The following DNHD1 variants were observed in gnomAD, a reference collection of about 807,000 sequenced individuals.
DNHD1 encodes dynein heavy chain domain-containing protein 1.
In DNHD1, 383 loss-of-function variants were observed where a neutral mutation model predicts 458.1. That is an observed-to-expected ratio of 0.84 (90% confidence interval 0.77 to 0.91). The LOEUF is 0.91. Among genes scored for constraint, DNHD1 ranks in the 40% least tolerant of loss-of-function variants. DNHD1 has a pLI of 0.00. For synonymous variants in DNHD1, 2,203 were observed against 2,376.9 expected (o/e 0.93, Z 2.13); for missense variants, 5,336 against 5,866.1 (o/e 0.91, Z 2.95).
At chr11:6,553,080 T>C (rs1304857417) in intron 24 of DNHD1, among the ~76,000 whole-genome samples, 1 of 152,186 alleles carries the variant, frequency 6.6e-6, no homozygotes, top group East Asian at 1.9e-4. Context: ...CTGTTATCTT[T>C]CATAAACCTA....
chr11:6,503,134 A>G, intron 4 of DNHD1: 2 of 532,664 alleles, frequency 3.8e-6, no homozygotes, highest in Non-Finnish European at 6.5e-6. Context: ...CCTGTTGCTT[A>G]CACAGCCTTT....
Position 6,528,719 on chromosome 11 carries a change from C to G in DNHD1, c.2035C>G (p.Leu679Val), listed in dbSNP as rs1325305250. The change falls in exon 11 of 43, where the codon CTG (leucine) becomes GTG (valine). Residue 679 changes from leucine (L) to valine (V), a missense_variant. Physicochemically the swap from Leu to Val is conservative, Grantham distance 32. Coordinates refer to ENST00000254579, the MANE Select transcript of DNHD1 (RefSeq NM_144666.3). ...ATACTTCCCCCACAATTATAAGCAG[C>G]TGGAGGAAGACCTGGACAACAACCC... ...GQYFPHNYKQLEEDLDNNPKI... is the reference protein window; with the variant it reads ...GQYFPHNYKQVEEDLDNNPKI... The G allele has an allele frequency of 2.6e-6, 4 of 1,551,768 alleles. No individual in the cohort carries two copies. The highest frequency in any genetic ancestry group is 3.5e-6 in the Non-Finnish European group (4 of 1,147,010).
chr11:6,563,913 C>T lies in DNHD1; in HGVS notation c.10073C>T (p.Thr3358Ile), dbSNP rs149275845. The T allele has an allele frequency of 6.4e-7, 1 of 1,551,598 alleles. No homozygotes were observed. Residue 3358 changes from threonine to isoleucine, a missense_variant, in exon 31 of 43, where the codon ACT becomes ATT. Thr to Ile is a moderately conservative substitution (Grantham distance 89, BLOSUM62 -1). This residue lies in a region of DNHD1 where 3,932 missense variants were observed against 4,365.6 expected (regional missense o/e 0.90). Coordinates refer to ENST00000254579, the MANE Select transcript of DNHD1 (RefSeq NM_144666.3). ...LLLQQVEATL[T>I]REQARLGYYQ... The stretch of plus-strand genomic sequence containing the variant: ...CTGCAGCAAGTGGAGGCAACACTCA[C>T]TCGGGAGCAGGCCCGCCTGGGCTAC...
Position 6,571,162 on chromosome 11 carries a change from C to G in DNHD1, c.13650C>G (p.His4550Gln). 2.5e-6 allele frequency: 4 copies of G among 1,603,622 alleles called. No individual in the cohort carries two copies. The highest frequency in any genetic ancestry group is 3.4e-6 in the Non-Finnish European group (4 of 1,175,606). ...CGGCCGGTCCGCAGCCGCCCTGGCA[C>G]TGGCTGCGACAGTTGTCGCGCCGTG... ...HAPAGPQPPW[H>Q]WLRQLSRRGQ... The change falls in exon 42 of 43, where the codon CAC (histidine) becomes CAG (glutamine). Residue 4550 changes from histidine (H) to glutamine (Q), a missense_variant. His to Gln is a conservative substitution (Grantham distance 24, BLOSUM62 0). Around this residue, in one of 4 missense-constraint regions of DNHD1, gnomAD observed 698 missense variants for 664.9 expected, o/e 1.05. Coordinates refer to ENST00000254579, the MANE Select transcript of DNHD1 (RefSeq NM_144666.3). This position sits in a 1 kb window ranked among gnomAD's most constrained non-coding sequence, Gnocchi z 5.0.
chr11:6,549,125 C>T (rs1028114752), intron 24 of DNHD1, 192 bp downstream of exon 24: 1 of 650,528 alleles, frequency 1.5e-6, no homozygotes, highest in African/African-American at 1.8e-5. Flanking sequence ...CTCTGCTTTG[C>T]TAAATCTCTG....
At chr11:6,544,268 G>T (rs778777036) in intron 19 of DNHD1, 22 bp downstream of exon 19, 1 of 1,551,368 alleles carries the variant, frequency 6.4e-7, no homozygotes, top group East Asian at 2.4e-5. Context: ...CCTCTAGCCA[G>T]GCTGATGGGT....
rs148680834 is a variant in DNHD1, at chr11:6,545,196, G to A, written c.4257G>A (p.Val1419=). 53 of 1,551,990 alleles carry A rather than the reference G, an allele frequency of 3.4e-5. No individual in the cohort carries two copies. The Middle Eastern group carries it at 1.0e-3, about 29-fold the overall frequency. Residue 1419 remains valine (V), a synonymous_variant, in exon 21 of 43, where the codon GTG becomes GTA. Coordinates refer to ENST00000254579, the MANE Select transcript of DNHD1 (RefSeq NM_144666.3). This position sits in a 1 kb window ranked among gnomAD's most constrained non-coding sequence, Gnocchi z 4.9. The part of the protein sequence containing the change: ...WESSPNTQTQ[V]EALAVLGAGG... ...CAAGCCCAAACACACAGACTCAGGTGGAGGCACTTGCAGTGCTAGGGGCAG... is the reference window on the plus strand; with the variant it reads ...CAAGCCCAAACACACAGACTCAGGTAGAGGCACTTGCAGTGCTAGGGGCAG...
In DNHD1 at chr11:6,557,470, T is replaced by A; in HGVS notation, c.8175T>A (p.Ser2725Arg). ...AQWEDFSNSN[S>R]ETEEEEEPYG... ...GGGAGGACTTCAGCAACAGCAATAG[T>A]GAAACAGAGGAGGAAGAGGAACCTT... Residue 2725 changes from serine (S) to arginine (R), a missense_variant, in exon 25 of 43, where the codon AGT becomes AGA. Ser to Arg is a moderately radical substitution (Grantham distance 110). Coordinates refer to ENST00000254579, the MANE Select transcript of DNHD1 (RefSeq NM_144666.3). 1 of 1,551,416 alleles carries A rather than the reference T, an allele frequency of 6.4e-7. No individual in the cohort carries two copies. Among genetic ancestry groups the A allele is most frequent in the African/African-American group, 1.4e-5 (1 of 72,986 alleles).
In DNHD1 at chr11:6,567,575, A is replaced by G. The variant is rs747822482; in HGVS notation, c.12066A>G (p.Thr4022=). Residue 4022 remains threonine (T), a synonymous_variant, in exon 36 of 43, where the codon ACA becomes ACG. Coordinates refer to ENST00000254579, the MANE Select transcript of DNHD1 (RefSeq NM_144666.3). ...AGGCTTACCTGTCACTGTCATCCAC[A>G]GTGCTGGGTCCTGCACCTGGGCCAG... The part of the protein sequence containing the change: ...AWQAYLSLSS[T]VLGPAPGPGP... 1.2e-6 allele frequency: 2 copies of G among 1,613,148 alleles called. No homozygotes were observed. Among genetic ancestry groups the G allele is most frequent in the South Asian group, 2.2e-5 (2 of 90,918 alleles).
At position 6,557,633 on chromosome 11, in the gene DNHD1, A is replaced by AG; in HGVS notation, c.8340dup (p.Leu2781AlafsTer50). The AG allele has an allele frequency of 6.4e-7, 1 of 1,551,780 alleles. No individual in the cohort carries two copies. The highest frequency in any genetic ancestry group is 8.7e-7 in the Non-Finnish European group (1 of 1,146,996). On this transcript the variant is annotated frameshift_variant, in exon 25 of 43. Coordinates refer to ENST00000254579, the MANE Select transcript of DNHD1 (RefSeq NM_144666.3). LOFTEE classifies it high-confidence loss of function. ...GAAAGGCACAAGGGCATCCAACTAT[A>AG]GGCTCCAGGTAAGGAGATCATTCAA...
intron 7 of DNHD1, among the ~76,000 whole-genome samples, chr11:6,517,875 A>C (rs1339573764): frequency 2.6e-5 from 4 of 151,906 alleles, no homozygotes; most frequent in African/African-American, 7.2e-5. Flanking sequence ...TTGCCCATCA[A>C]ATCTTTTGTA....
intron 24 of DNHD1, among the ~76,000 whole-genome samples, chr11:6,555,676 A>T (rs1306136718): frequency 1.5e-4 from 23 of 152,242 alleles, no homozygotes; most frequent in Non-Finnish European, 1.5e-5. Flanking sequence ...CTGCTGAGTA[A>T]AAGAAGATAG....
At chr11:6,518,908 G>A (rs192753953) in intron 7 of DNHD1, among the ~76,000 whole-genome samples, 1 of 152,236 alleles carries the variant, frequency 6.6e-6, no homozygotes, top group East Asian at 1.9e-4. Context: ...CTAATCACAA[G>A]CTCTAGGGAG....
In DNHD1 at chr11:6,570,979, T is replaced by C. The variant is rs763209802; in HGVS notation, c.13467T>C (p.Ala4489=). Reference sequence around the variant, plus strand: ...TGGAGGGCGTCTTAGAGACCGAGGCTCTAGAACTGAGCCAGTTGGTGGGCA... The same window carrying C: ...TGGAGGGCGTCTTAGAGACCGAGGCCCTAGAACTGAGCCAGTTGGTGGGCA... ...RPLEGVLETE[A]LELSQLVGTL... The change falls in exon 42 of 43, where the codon GCT becomes GCC. Residue 4489 remains alanine, a synonymous_variant. Transcript: ENST00000254579. The C allele has an allele frequency of 1.2e-5, 20 of 1,604,440 alleles. No homozygotes were observed. The highest frequency in any genetic ancestry group is 1.1e-5 in the Non-Finnish European group (13 of 1,172,828).
intron 37 of DNHD1, 28 bp downstream of exon 37, chr11:6,568,270 A>G (rs1193767589): frequency 6.5e-7 from 1 of 1,538,048 alleles, no homozygotes; most frequent in Admixed American, 2.0e-5. Flanking sequence ...ATTGGCTTCC[A>G]GGATCCTATC....
chr11:6,558,565 C>T lies in DNHD1; in HGVS notation c.9083C>T (p.Thr3028Ile). 1 of 1,551,768 alleles carries T rather than the reference C, an allele frequency of 6.4e-7. No individual in the cohort carries two copies. The highest frequency in any genetic ancestry group is 8.7e-7 in the Non-Finnish European group (1 of 1,146,998). ...DKQAHKQLPS[T>I]LFLRLLQLAT... ...CAGGCCCACAAGCAGCTGCCCTCCA[C>T]CCTTTTCCTGAGGCTCCTTCAACTG... The change falls in exon 26 of 43, where the codon ACC (threonine) becomes ATC (isoleucine). Residue 3028 changes from threonine to isoleucine, a missense_variant. Physicochemically the swap from Thr to Ile is moderately conservative, Grantham distance 89. This residue lies in a region of DNHD1 where 3,932 missense variants were observed against 4,365.6 expected (regional missense o/e 0.90). Coordinates refer to ENST00000254579, the MANE Select transcript of DNHD1 (RefSeq NM_144666.3).
chr11:6,510,065 C>T (rs1852305115), intron 6 of DNHD1, among the ~76,000 whole-genome samples: 1 of 151,812 alleles, frequency 6.6e-6, no homozygotes, highest in Non-Finnish European at 1.5e-5. Flanking sequence ...ACTCAAATTT[C>T]AACCAAATTT....
intron 3 of DNHD1, among the ~76,000 whole-genome samples, chr11:6,501,462 T>G (rs1852134436): frequency 6.6e-6 from 1 of 152,050 alleles, no homozygotes; most frequent in Non-Finnish European, 1.5e-5. Context: ...TCCAGAGCAC[T>G]GATGGAGGAA....
intron 4 of DNHD1, among the ~76,000 whole-genome samples, chr11:6,506,486 C>T (rs1451806873): frequency 6.6e-6 from 1 of 152,094 alleles, no homozygotes; most frequent in Non-Finnish European, 1.5e-5. Flanking sequence ...AATGTTGGTC[C>T]AAATTTCTAG....
Sources: gnomAD v4.1 joint callset for allele counts (sites outside exome capture counted in the v4.1 genomes callset) on GRCh38, gnomAD v4.1.1 for gene constraint, gnomAD v4.1.1 regional missense constraint, Gnocchi (gnomAD v3.1) non-coding constraint, MANE v1.5 for transcripts, NCBI Gene and HGNC (gene_info 2026-07-23, HGNC 2026-07-21) for gene names.